The following ARHGAP23 variants were observed in gnomAD, a reference collection of about 807,000 sequenced individuals.
The protein encoded by ARHGAP23 is rho GTPase-activating protein 23.
ARHGAP23 carries 34 observed loss-of-function variants against 136.3 expected under a neutral mutation model. That is an observed-to-expected ratio of 0.25 (90% CI 0.19 to 0.33). The LOEUF (loss-of-function observed/expected upper bound fraction) is 0.33, where lower values mean the gene tolerates loss of function less well. Among genes scored for constraint, ARHGAP23 ranks in the 10% least tolerant of loss-of-function variants. The pLI, the probability that ARHGAP23 is intolerant of heterozygous loss-of-function variation, is 1.00. For synonymous variants in ARHGAP23, 832 were observed against 920.5 expected, an observed-to-expected ratio of 0.90 and a Z score of 1.74; for missense variants, 1,808 against 2,139.0, an observed-to-expected ratio of 0.85 and a Z score of 3.05.
chr17:38,482,695 G>C lies in ARHGAP23; in HGVS notation c.2907+17G>C, dbSNP rs1387335249. The C allele has an allele frequency of 1.8e-5, 27 of 1,542,400 alleles. No homozygotes were observed. In the Admixed American group the frequency reaches 4.7e-4, roughly 27 times the overall value. The stretch of plus-strand genomic sequence containing the variant: ...CAGGATGAGGTGGGTGAAGCTGGGG[G>C]GTCTGTGGAAGAGGGGCTGAGATGG... On this transcript the variant is annotated intron_variant, in intron 16 of 23. Coordinates refer to ENST00000622683, the MANE Select transcript of ARHGAP23 (RefSeq NM_001199417.2).
chr17:38,490,122 G>T lies in ARHGAP23; in HGVS notation c.3007G>T (p.Glu1003Ter). ...FTDDKYNDFIEANRIEDARER... is the reference protein window; with the variant it reads ...FTDDKYNDFI ...TCTAGACAAATACAACGACTTCATC[G>T]AGGCCAACCGCATTGAGGACGCGCG... is the stretch of plus-strand genomic sequence containing the variant. The change falls in exon 18 of 24, where the codon GAG (glutamate) becomes TAG (stop). Residue 1003 changes from glutamate (E) to a stop codon, truncating the protein, a stop_gained. Transcript: ENST00000622683. LOFTEE classifies it high-confidence loss of function. 6.4e-7 allele frequency: 1 copy of T among 1,551,756 alleles called. No individual in the cohort carries two copies. Among genetic ancestry groups the T allele is most frequent in the Non-Finnish European group, 8.7e-7 (1 of 1,146,860 alleles).
chr17:38,498,797 C>G (rs1183088235), intron 22 of ARHGAP23: 3 of 659,904 alleles, frequency 4.5e-6, no homozygotes, highest in East Asian at 2.7e-5. Flanking sequence ...TTCTCATGGG[C>G]TGGCTGTGTC....
At chr17:38,471,408 C>T (rs776963489) in intron 10 of ARHGAP23, among the ~76,000 whole-genome samples, 9 of 152,230 alleles carry the variant, frequency 5.9e-5, no homozygotes, top group Non-Finnish European at 1.3e-4. Context: ...CCTTGACTTG[C>T]GCCCTCTGGC....
chr17:38,511,861 G>A lies in ARHGAP23; in HGVS notation c.*889G>A, dbSNP rs573860190. On this transcript the variant is annotated 3_prime_UTR_variant, in exon 24 of 24. Transcript: ENST00000622683. The stretch of plus-strand genomic sequence containing the variant: ...CAGAAGCCCACCTTCTTCCCCTTAG[G>A]AGGAGGGATAGTCAACACCCCTGCT... 6.6e-6 allele frequency: 1 copy of A among 152,236 alleles called. No individual in the cohort carries two copies. Among genetic ancestry groups the A allele is most frequent in the East Asian group, 1.9e-4 (1 of 5,182 alleles). The allele number at this position is 152,236 out of a possible 1,614,324, so 9.4% of individuals were successfully genotyped here.
chr17:38,500,029 C>G (rs1363683214), intron 22 of ARHGAP23, among the ~76,000 whole-genome samples: 1 of 152,226 alleles, frequency 6.6e-6, no homozygotes, highest in African/African-American at 2.4e-5. Flanking sequence ...TATCAAGGCT[C>G]TAATCACCAG....
intron 1 of ARHGAP23, among the ~76,000 whole-genome samples, chr17:38,430,770 C>A (rs2056650962): frequency 6.6e-6 from 1 of 152,088 alleles, no homozygotes; most frequent in African/African-American, 2.4e-5. Context: ...AATGTAGAAA[C>A]CTGGAGATGG....
Position 38,472,226 on chromosome 17 carries a change from T to C in ARHGAP23, c.2118+220T>C, listed in dbSNP as rs556860038. Among the ~76,000 whole-genome samples, 3 of 152,306 alleles carry C rather than the reference T, an allele frequency of 2.0e-5. No homozygotes were observed. In the East Asian group the frequency reaches 5.8e-4, roughly 29 times the overall value. ...GGTGGATTTTGCTGTGGGATGGATC[T>C]GATCGAGTCGTGCTTGGAATATTCT... On this transcript the variant is annotated intron_variant, in intron 11 of 23. Coordinates refer to ENST00000622683, the MANE Select transcript of ARHGAP23 (RefSeq NM_001199417.2).
chr17:38,469,692 C>G (rs1489092054), intron 9 of ARHGAP23, 57 bp downstream of exon 9: 23 of 1,530,354 alleles, frequency 1.5e-5, no homozygotes, highest in Non-Finnish European at 1.8e-5. Context: ...GCCAGCTGCT[C>G]TGGGGCAGGG....
At chr17:38,444,156 T>C (rs925623746) in intron 1 of ARHGAP23, among the ~76,000 whole-genome samples, 1 of 151,330 alleles carries the variant, frequency 6.6e-6, no homozygotes, top group African/African-American at 2.4e-5. Flanking sequence ...TTGTAGGAGA[T>C]GGGGAGGGGA....
intron 20 of ARHGAP23, among the ~76,000 whole-genome samples, chr17:38,496,821 C>T (rs1407238662): frequency 5.9e-5 from 9 of 152,030 alleles, no homozygotes; most frequent in Non-Finnish European, 4.4e-5. Context: ...GGCGTGATGG[C>T]GTGCACCTGT....
chr17:38,499,249 G>A (rs573156872), intron 22 of ARHGAP23, among the ~76,000 whole-genome samples: 24 of 152,194 alleles, frequency 1.6e-4, no homozygotes, highest in Non-Finnish European at 2.9e-4. Context: ...TCTCTTTGCC[G>A]AGTCTCACCA....
intron 6 of ARHGAP23, among the ~76,000 whole-genome samples, chr17:38,465,759 C>T (rs2039575412): frequency 6.6e-6 from 1 of 152,012 alleles, no homozygotes; most frequent in South Asian, 2.1e-4. Flanking sequence ...TTTCTTCTCT[C>T]ATCTGCCACC....
intron 23 of ARHGAP23, among the ~76,000 whole-genome samples, chr17:38,501,392 C>A (rs2040516602): frequency 6.6e-6 from 1 of 152,232 alleles, no homozygotes; most frequent in African/African-American, 2.4e-5. Context: ...AGCTCCGCCT[C>A]CCAGGTTCAC....
At chr17:38,494,230 C>T (rs1289512000) in intron 20 of ARHGAP23, among the ~76,000 whole-genome samples, 2 of 152,202 alleles carry the variant, frequency 1.3e-5, no homozygotes, top group African/African-American at 4.8e-5. Flanking sequence ...GTGCCTCAGT[C>T]TCCACACCTG....
intron 16 of ARHGAP23, among the ~76,000 whole-genome samples, chr17:38,483,620 C>T (rs530248383): frequency 3.9e-5 from 6 of 152,360 alleles, no homozygotes; most frequent in Non-Finnish European, 7.3e-5. Flanking sequence ...CCACGAATCA[C>T]ACACGTGAAG....
At chr17:38,476,425 T>C (rs1317839487) in intron 11 of ARHGAP23, among the ~76,000 whole-genome samples, 2 of 151,982 alleles carry the variant, frequency 1.3e-5, no homozygotes, top group Non-Finnish European at 2.9e-5. Flanking sequence ...ACTGGATGGA[T>C]TGACTGGGCT....
chr17:38,476,799 T>C (rs571061589), intron 11 of ARHGAP23, among the ~76,000 whole-genome samples: 140 of 152,264 alleles, frequency 9.2e-4, no homozygotes, highest in African/African-American at 3.3e-3. Context: ...CATTGTGCAA[T>C]GTTTAGCCGC....
intron 20 of ARHGAP23, among the ~76,000 whole-genome samples, chr17:38,496,912 C>T (rs1351985037): frequency 6.6e-6 from 1 of 151,642 alleles, no homozygotes; most frequent in East Asian, 1.9e-4. Flanking sequence ...AAGATTGCAC[C>T]ACTGCACTCC....
chr17:38,495,682 C>T (rs571857191), intron 20 of ARHGAP23, among the ~76,000 whole-genome samples: 1 of 152,240 alleles, frequency 6.6e-6, no homozygotes, highest in African/African-American at 2.4e-5. Flanking sequence ...CAGGCAAGTC[C>T]CCTTGTTTCC....
Sources: allele counts gnomAD v4.1 joint callset (sites outside exome capture counted in the v4.1 genomes callset), GRCh38; gene constraint gnomAD v4.1.1; transcripts MANE v1.5; gene names NCBI Gene and HGNC (gene_info 2026-07-23, HGNC 2026-07-21).